The following PCDHA12 variants were observed in gnomAD, a reference collection of about 807,000 sequenced individuals.
PCDHA12 encodes the protein protocadherin alpha-12.
PCDHA12 carries 44 observed loss-of-function variants against 60.0 expected under a neutral mutation model. The observed-to-expected ratio is 0.73, with a 90% CI of 0.58 to 0.94. The LOEUF (loss-of-function observed/expected upper bound fraction) is 0.94, where lower values mean the gene tolerates loss of function less well. PCDHA12 is among the 40% of genes least tolerant of loss of function. PCDHA12 has a pLI of 0.00. For missense variants in PCDHA12, 1,276 were observed against 1,239.7 expected (o/e 1.03, Z -0.44); for synonymous variants, 569 against 553.0 (o/e 1.03, Z -0.40).
At chr5:140,927,489 C>T (rs147183638) in intron 1 of PCDHA12, 63 of 1,614,126 alleles carry the variant, frequency 3.9e-5, no homozygotes, top group Non-Finnish European at 4.8e-5. Flanking sequence ...GCGCCACCCA[C>T]CTGCTGGTGC....
intron 1 of PCDHA12, among the ~76,000 whole-genome samples, chr5:140,921,468 C>T (rs886501347): frequency 3.3e-5 from 5 of 152,182 alleles, no homozygotes; most frequent in African/African-American, 1.2e-4. Flanking sequence ...GCAACCACTA[C>T]CAAACCACTC....
At chr5:140,967,996 C>T in intron 1 of PCDHA12, 2 of 1,614,214 alleles carry the variant, frequency 1.2e-6, no homozygotes, top group Non-Finnish European at 1.7e-6. Flanking sequence ...CACTGCCTTT[C>T]CGACTGAATG....
intron 1 of PCDHA12, chr5:140,927,691 G>C (rs782046420): frequency 6.2e-7 from 1 of 1,614,072 alleles, no homozygotes; most frequent in African/African-American, 1.3e-5. Flanking sequence ...GTCCAATGGG[G>C]AAGTCCAGTA....
At chr5:140,927,265 C>T in intron 1 of PCDHA12, 1 of 1,614,168 alleles carries the variant, frequency 6.2e-7, no homozygotes. Context: ...ACCTCTCTTT[C>T]CTGCCGGCGA....
chr5:141,001,164 A>T (rs2097995699), intron 3 of PCDHA12, among the ~76,000 whole-genome samples: 1 of 152,102 alleles, frequency 6.6e-6, no homozygotes, highest in East Asian at 1.9e-4. Context: ...AATAAGTAAA[A>T]TTTAACGAGT....
At chr5:140,893,137 C>T (rs2153441262) in intron 1 of PCDHA12, among the ~76,000 whole-genome samples, 1 of 152,298 alleles carries the variant, frequency 6.6e-6, no homozygotes, top group South Asian at 2.1e-4. Context: ...TTTCTTTATC[C>T]ACTCATCTGT....
intron 1 of PCDHA12, among the ~76,000 whole-genome samples, chr5:140,888,454 A>G (rs1167294283): frequency 6.6e-6 from 1 of 152,234 alleles, no homozygotes; most frequent in Non-Finnish European, 1.5e-5. Context: ...ATAAAGAATT[A>G]GCTCAAAATG....
At chr5:140,994,811 A>G (rs1283053490) in intron 3 of PCDHA12, among the ~76,000 whole-genome samples, 1 of 152,194 alleles carries the variant, frequency 6.6e-6, no homozygotes, top group Non-Finnish European at 1.5e-5. Context: ...ACAAAATACA[A>G]AAAACTGAAT....
At position 140,876,889 on chromosome 5, in the gene PCDHA12, C is replaced by G. The variant is rs1409299527; in HGVS notation, c.1417C>G (p.His473Asp). The change falls in exon 1 of 4, where the codon CAC (histidine) becomes GAC (aspartate). Residue 473 changes from histidine to aspartate, a missense_variant. Coordinates refer to ENST00000398631, the MANE Select transcript of PCDHA12 (RefSeq NM_018903.4). ...FVKENNPPGC[H>D]IFTVSAWDAD... ...GAAGGAGAACAACCCGCCGGGCTGC[C>G]ACATCTTCACGGTGTCGGCATGGGA... 3.1e-6 allele frequency: 5 copies of G among 1,613,996 alleles called. No homozygotes were observed. In the African/African-American group the frequency reaches 6.7e-5, roughly 22 times the overall value.
At chr5:140,901,761 A>G (rs1276192436) in intron 1 of PCDHA12, among the ~76,000 whole-genome samples, 1 of 152,124 alleles carries the variant, frequency 6.6e-6, no homozygotes, top group African/African-American at 2.4e-5. Flanking sequence ...TTTGACAGGG[A>G]TTGCATTGAA....
chr5:140,900,438 C>T (rs573115268), intron 1 of PCDHA12, among the ~76,000 whole-genome samples: 21 of 152,234 alleles, frequency 1.4e-4, no homozygotes, highest in South Asian at 8.3e-4. Flanking sequence ...CCACCACGGC[C>T]GGCTAATTTT....
intron 1 of PCDHA12, chr5:140,927,681 G>A: frequency 6.2e-7 from 1 of 1,614,180 alleles, no homozygotes; most frequent in Non-Finnish European, 8.5e-7. Flanking sequence ...CAGATGAAGG[G>A]TCCAATGGGG....
At position 140,923,025 on chromosome 5, in the gene PCDHA12, C is replaced by G. The variant is rs547252764; in HGVS notation, c.2367+45186C>G. ...GGTTGTTGGACTGCAGTTTCGGACTCTATTACTACATGTATAGTATTTAGA... is the reference window on the plus strand; with the variant it reads ...GGTTGTTGGACTGCAGTTTCGGACTGTATTACTACATGTATAGTATTTAGA... On this transcript the variant is annotated intron_variant, in intron 1 of 3. Coordinates refer to ENST00000398631, the MANE Select transcript of PCDHA12 (RefSeq NM_018903.4). 2.6e-5 allele frequency among the ~76,000 whole-genome samples: 4 copies of G among 152,296 alleles called. No homozygotes were observed. The East Asian group carries it at 7.7e-4, about 29-fold the overall frequency.
intron 3 of PCDHA12, among the ~76,000 whole-genome samples, chr5:140,990,910 A>G (rs1460988111): frequency 1.3e-5 from 2 of 152,198 alleles, no homozygotes; most frequent in African/African-American, 2.4e-5. Context: ...GTCAAGTTTT[A>G]TAAGTCTTTA....
At chr5:140,968,569 C>A in intron 1 of PCDHA12, 1 of 1,614,204 alleles carries the variant, frequency 6.2e-7, no homozygotes, top group Middle Eastern at 1.7e-4. Flanking sequence ...CCCCTGCTGG[C>A]TACCTGGTCA....
intron 1 of PCDHA12, among the ~76,000 whole-genome samples, chr5:140,947,914 GCCTTAAC>G (rs2094192185): frequency 6.6e-6 from 1 of 151,456 alleles, no homozygotes. Context: ...AGACATTCTT[GCCTTAAC>G]CCTGATCTTA....
chr5:140,954,830 T>TG (rs2095095109), intron 1 of PCDHA12, among the ~76,000 whole-genome samples: 1 of 152,220 alleles, frequency 6.6e-6, no homozygotes, highest in Admixed American at 6.5e-5. Flanking sequence ...GGCACTTTTG[T>TG]CATGAAATCT....
rs1423136904 is a variant in PCDHA12 at position 140,966,615 on chromosome 5, G to A, written c.2368-12334G>A. 1.0e-5 allele frequency: 8 copies of A among 773,600 alleles called. No individual in the cohort carries two copies. In the Admixed American group the frequency reaches 1.2e-4, roughly 12 times the overall value. The allele number at this position is 773,600 out of a possible 1,614,324, so 47.9% of individuals were successfully genotyped here. A position where few individuals can be genotyped will look rare whatever the true frequency, so the allele number is the denominator to read the frequency against. On this transcript the variant is annotated intron_variant, in intron 1 of 3. Transcript: ENST00000398631. The stretch of plus-strand genomic sequence containing the variant: ...GCCAGGAGCCCTTGGGAGGGCCTAC[G>A]GAGGGAGCGGCCCCAGGCGCTTTCT...
At chr5:140,999,244 G>A (rs1554256717) in intron 3 of PCDHA12, among the ~76,000 whole-genome samples, 1 of 152,210 alleles carries the variant, frequency 6.6e-6, no homozygotes, top group African/African-American at 2.4e-5. Flanking sequence ...GTTAAAGTGG[G>A]AGTTGGATTA....
Sources: allele counts gnomAD v4.1 joint callset (sites outside exome capture counted in the v4.1 genomes callset), GRCh38; gene constraint gnomAD v4.1.1; transcripts MANE v1.5; gene names NCBI Gene and HGNC (gene_info 2026-07-23, HGNC 2026-07-21).